Variants in JAK2 observed in about 807,000 individuals in gnomAD.
JAK2 encodes the protein Janus kinase 2.
A neutral mutation model predicts 139.3 loss-of-function variants in JAK2; 86 were observed. The ratio of observed to expected loss-of-function variants is 0.62; its 90% CI spans 0.52 to 0.74. The LOEUF (loss-of-function observed/expected upper bound fraction) is 0.74. JAK2 is among the 30% of genes least tolerant of loss of function. The probability of loss-of-function intolerance (pLI) is 0.00; values close to 1 mark genes in which losing one functional copy is unlikely to be tolerated. For synonymous variants in JAK2, 490 were observed against 437.7 expected (o/e 1.12, Z -1.49); for missense variants, 1,421 against 1,360.3 (o/e 1.04, Z -0.70).
intron 19 of JAK2, among the ~76,000 whole-genome samples, chr9:5,082,593 T>C (rs1047674158): frequency 7.9e-5 from 12 of 152,206 alleles, no homozygotes; most frequent in Admixed American, 7.2e-4. Flanking sequence ...TCACGGATGT[T>C]GGGCTGGGGG....
chr9:5,122,124 G>C (rs956980436), intron 22 of JAK2, among the ~76,000 whole-genome samples: 2 of 152,116 alleles, frequency 1.3e-5, no homozygotes, highest in African/African-American at 4.8e-5. Context: ...GATTTGTGGA[G>C]ATTAGGAAAC....
intron 14 of JAK2, among the ~76,000 whole-genome samples, chr9:5,075,375 C>T (rs1819240934): frequency 6.6e-6 from 1 of 152,202 alleles, no homozygotes; most frequent in Non-Finnish European, 1.5e-5. Flanking sequence ...GAAGTCAGTG[C>T]TTGCCTTCAA....
At chr9:5,007,625 C>T (rs942302811) in intron 2 of JAK2, among the ~76,000 whole-genome samples, 1 of 151,788 alleles carries the variant, frequency 6.6e-6, no homozygotes, top group Non-Finnish European at 1.5e-5. Flanking sequence ...ATTAGGTTGA[C>T]GCTAAAGTAA....
At chr9:5,055,510 G>A (rs772493872) in intron 7 of JAK2, among the ~76,000 whole-genome samples, 159 bp from the exon 8 acceptor site, 17 of 151,932 alleles carry the variant, frequency 1.1e-4, no homozygotes, top group Non-Finnish European at 1.9e-4. Flanking sequence ...TAGTCTTAGG[G>A]TTAGATTGAT....
At chr9:5,015,042 T>G (rs1031251210) in intron 2 of JAK2, among the ~76,000 whole-genome samples, 17 of 152,168 alleles carry the variant, frequency 1.1e-4, no homozygotes, top group African/African-American at 4.1e-4. Context: ...CAGCTTACAG[T>G]TTTCTATAAT....
intron 22 of JAK2, 114 bp downstream of exon 22, chr9:5,091,025 C>A (rs1586773190): frequency 5.1e-6 from 4 of 783,620 alleles, no homozygotes; most frequent in African/African-American, 1.8e-5. Context: ...ACATTTAAGT[C>A]TTTTAAGTCT....
intron 4 of JAK2, among the ~76,000 whole-genome samples, chr9:5,038,248 A>G: frequency 6.7e-6 from 1 of 150,310 alleles, no homozygotes; most frequent in South Asian, 2.1e-4. Flanking sequence ...CTGCTAAAAG[A>G]AAGAACAGAA....
chr9:4,987,759 A>G (rs1587788641), intron 2 of JAK2, among the ~76,000 whole-genome samples: 2 of 152,052 alleles, frequency 1.3e-5, no homozygotes, highest in East Asian at 3.8e-4. Context: ...AAAGAAAGAA[A>G]AAAAGAGTTA....
In JAK2 at chr9:5,123,247, G is replaced by A. The variant is rs1172923922; in HGVS notation, c.3177+126G>A. The A allele has an allele frequency of 2.4e-5, 14 of 573,258 alleles. No individual in the cohort carries two copies. The Admixed American group carries it at 3.7e-4, about 15-fold the overall frequency. The allele number at this position is 573,258 out of a possible 1,614,324, so 35.5% of individuals were successfully genotyped here. ...TAGTGGTGAAGTCAGAGCTTTTAGG[G>A]TATCCACCACCTTAATAACATACAT... On this transcript the variant is annotated intron_variant, in intron 23 of 24. Coordinates refer to ENST00000381652, the MANE Select transcript of JAK2 (RefSeq NM_004972.4).
chr9:5,045,302 G>T (rs914406894), intron 5 of JAK2, among the ~76,000 whole-genome samples: 1 of 152,064 alleles, frequency 6.6e-6, no homozygotes, highest in East Asian at 1.9e-4. Context: ...CTCATGGCTC[G>T]CATTTCTGAG....
At chr9:5,073,073 C>G (rs1252530384) in intron 13 of JAK2, among the ~76,000 whole-genome samples, 2 of 152,108 alleles carry the variant, frequency 1.3e-5, no homozygotes, top group Non-Finnish European at 2.9e-5. Context: ...GGCCAGTTGC[C>G]AGAGCTCTGA....
Position 5,063,950 on chromosome 9 carries a change from A to G in JAK2, c.1057-933A>G, listed in dbSNP as rs1487579245. ...AGGCGGGCGGATCATTAGGTCAGGA[A>G]TTTGAGACCAGCCTGGCCAACATGT... On this transcript the variant is annotated intron_variant, in intron 8 of 24. Coordinates refer to ENST00000381652, the MANE Select transcript of JAK2 (RefSeq NM_004972.4). Among the ~76,000 whole-genome samples, 10 of 152,274 alleles carry G rather than the reference A, an allele frequency of 6.6e-5. No individual in the cohort carries two copies. The South Asian group carries it at 1.9e-3, about 28-fold the overall frequency.
chr9:5,085,936 C>A, intron 19 of JAK2: 1 of 1,112,044 alleles, frequency 9.0e-7, no homozygotes, highest in South Asian at 1.2e-5. Flanking sequence ...TCTCTCCAAC[C>A]GAGTTTGAAA....
At chr9:5,038,218 A>G (rs531055626) in intron 4 of JAK2, among the ~76,000 whole-genome samples, 3 of 152,204 alleles carry the variant, frequency 2.0e-5, no homozygotes, top group Non-Finnish European at 4.4e-5. Context: ...AAATTCCTAG[A>G]AAGACACAAG....
intron 3 of JAK2, among the ~76,000 whole-genome samples, chr9:5,028,356 G>T (rs138982048): frequency 6.6e-6 from 1 of 152,124 alleles, no homozygotes. Context: ...AGTAAACCAC[G>T]CTATATACAG....
chr9:5,016,620 C>T (rs1017667998), intron 2 of JAK2, among the ~76,000 whole-genome samples: 1 of 152,104 alleles, frequency 6.6e-6, no homozygotes, highest in Non-Finnish European at 1.5e-5. Flanking sequence ...CACAGCTTAA[C>T]AAATTTTCAT....
chr9:5,053,137 C>T (rs757183132), intron 6 of JAK2, among the ~76,000 whole-genome samples: 4 of 152,074 alleles, frequency 2.6e-5, no homozygotes, highest in South Asian at 4.1e-4. Context: ...CAACTCTTTC[C>T]GCACTTGTTT....
rs1380478368 is a variant in JAK2 at position 5,069,178 on chromosome 9, T to C, written c.1483T>C (p.Phe495Leu). ...TVRSDNIIFQFTKCCPPKPKD... is the reference protein window; with the variant it reads ...TVRSDNIIFQLTKCCPPKPKD... ...TCGCTCAGACAATATAATTTTCCAG[T>C]TTACTAAATGCTGTCCCCCAAAGCC... Residue 495 changes from phenylalanine (F) to leucine (L), a missense_variant, in exon 11 of 25, where the codon TTT becomes CTT. Phe to Leu is a conservative substitution (Grantham distance 22, BLOSUM62 0). Coordinates refer to ENST00000381652, the MANE Select transcript of JAK2 (RefSeq NM_004972.4). The C allele has an allele frequency of 6.2e-7, 1 of 1,609,848 alleles. No individual in the cohort carries two copies. Among genetic ancestry groups the C allele is most frequent in the Non-Finnish European group, 8.5e-7 (1 of 1,178,600 alleles).
rs1311834232 is a variant in JAK2 at position 5,071,527 on chromosome 9, CAG to C, written c.1642-963_1642-962del. 1.1e-4 allele frequency among the ~76,000 whole-genome samples: 17 copies of C among 152,092 alleles called. No homozygotes were observed. The South Asian group carries it at 3.1e-3, about 28-fold the overall frequency. ...ATAAATATCCTCATTGACATTAAAA[CAG>C]AATATACAGGATGAAAAGTAAATTA... On this transcript the variant is annotated intron_variant, in intron 12 of 24. Transcript: ENST00000381652.
Sources: allele counts gnomAD v4.1 joint callset (sites outside exome capture counted in the v4.1 genomes callset), GRCh38; gene constraint gnomAD v4.1.1; transcripts MANE v1.5; gene names NCBI Gene and HGNC (gene_info 2026-07-23, HGNC 2026-07-21).